The following DAAM2 variants were observed in gnomAD, a reference collection of about 807,000 sequenced individuals.
DAAM2 encodes the protein disheveled-associated activator of morphogenesis 2.
DAAM2 carries 39 observed loss-of-function variants against 120.7 expected under a neutral mutation model. The observed-to-expected ratio is 0.32, with a 90% CI of 0.25 to 0.42. The LOEUF (loss-of-function observed/expected upper bound fraction) is 0.42. Ranked by LOEUF, DAAM2 falls within the 10% of genes least tolerant of loss-of-function variation. The pLI is 1.00. For missense variants in DAAM2, 1,283 were observed against 1,401.7 expected (o/e 0.92, Z 1.35); for synonymous variants, 488 against 524.9 (o/e 0.93, Z 0.96).
chr6:39,876,724 T>TGC (rs1278316668), intron 11 of DAAM2, among the ~76,000 whole-genome samples: 1 of 111,170 alleles, frequency 9.0e-6, no homozygotes, highest in Non-Finnish European at 1.9e-5. Flanking sequence ...TGTGTGTGTG[T>TGC]GTGTGCGTGT....
chr6:39,808,131 G>A (rs746280974), intron 1 of DAAM2, among the ~76,000 whole-genome samples: 53 of 148,972 alleles, frequency 3.6e-4, no homozygotes, highest in Non-Finnish European at 6.2e-4. Context: ...TTGATATACT[G>A]GTGGAGATGC....
intron 5 of DAAM2, among the ~76,000 whole-genome samples, chr6:39,866,809 G>A (rs564625557): frequency 1.3e-5 from 2 of 152,330 alleles, no homozygotes; most frequent in East Asian, 1.9e-4. Flanking sequence ...GAAAATAGCT[G>A]TGATTTCTTG....
intron 10 of DAAM2, 106 bp from the exon 11 acceptor site, chr6:39,875,224 T>C (rs1175711754): frequency 8.0e-7 from 1 of 1,243,116 alleles, no homozygotes; most frequent in Non-Finnish European, 1.1e-6. Context: ...TTACCATAGG[T>C]GGAGAAGGGC....
intron 9 of DAAM2, 81 bp downstream of exon 9, chr6:39,871,653 T>A: frequency 7.5e-7 from 1 of 1,336,472 alleles, no homozygotes; most frequent in Non-Finnish European, 1.0e-6. Context: ...CTAGACCCCG[T>A]GTTGTGGCAG....
intron 1 of DAAM2, among the ~76,000 whole-genome samples, chr6:39,818,202 A>AAAAAC (rs1762370829): frequency 1.3e-5 from 2 of 148,958 alleles, no homozygotes; most frequent in African/African-American, 5.1e-5. Flanking sequence ...AAAAAAAAAA[A>AAAAAC]AAAACTTCAC....
intron 20 of DAAM2, 21 bp from the exon 21 acceptor site, chr6:39,897,154 T>C (rs1208926254): frequency 1.3e-6 from 2 of 1,592,994 alleles, no homozygotes; most frequent in East Asian, 2.2e-5. Flanking sequence ...CACTTACCAC[T>C]GACCTGACTT....
At chr6:39,812,438 G>A (rs1762190451) in intron 1 of DAAM2, among the ~76,000 whole-genome samples, 1 of 152,168 alleles carries the variant, frequency 6.6e-6, no homozygotes, top group Admixed American at 6.5e-5. Flanking sequence ...GCACAGAGGG[G>A]ATTCCAAGTA....
In DAAM2 at chr6:39,856,385, G is replaced by A. The variant is rs200592505; in HGVS notation, c.83G>A (p.Arg28Gln). 25 of 1,552,146 alleles carry A rather than the reference G, an allele frequency of 1.6e-5. No homozygotes were observed. The highest frequency in any genetic ancestry group is 8.5e-5 in the South Asian group (7 of 82,618). ...GGSDIPEINL[R>Q]DNHPLQFMEF... ...AGTGACATCCCCGAAATCAACCTCC[G>A]GGACAACCACCCTCTGCAGTTCATG... Residue 28 changes from arginine to glutamine, a missense_variant, in exon 2 of 25, where the codon CGG (arginine) becomes CAG (glutamine). Around this residue, in one of 3 missense-constraint regions of DAAM2, gnomAD observed 197 missense variants for 189.3 expected, o/e 1.04. Coordinates refer to ENST00000274867, the MANE Select transcript of DAAM2 (RefSeq NM_001201427.2).
In DAAM2 at chr6:39,884,014, G is replaced by C; in HGVS notation, c.1898G>C (p.Arg633Pro). Reference sequence around the variant, plus strand: ...GAGATTGATGACATGCAGGTATTTCGGATCCTGGACCTAGAGGATTTTGAA... The same window carrying C: ...GAGATTGATGACATGCAGGTATTTCCGATCCTGGACCTAGAGGATTTTGAA... ...WNEIDDMQVF[R>P]ILDLEDFEKM... Residue 633 changes from arginine (R) to proline (P), a missense_variant, in exon 15 of 25, where the codon CGG becomes CCG. Coordinates refer to ENST00000274867, the MANE Select transcript of DAAM2 (RefSeq NM_001201427.2). 1.9e-6 allele frequency: 3 copies of C among 1,613,454 alleles called. No individual in the cohort carries two copies. The South Asian group carries it at 3.3e-5, about 18-fold the overall frequency.
chr6:39,875,121 C>T (rs1323642123), intron 10 of DAAM2, among the ~76,000 whole-genome samples: 4 of 152,076 alleles, frequency 2.6e-5, no homozygotes, highest in Non-Finnish European at 4.4e-5. Context: ...TTGACACATC[C>T]GTAGAAGTCT....
At chr6:39,888,898 A>C in intron 17 of DAAM2, 135 bp downstream of exon 17, 1 of 542,858 alleles carries the variant, frequency 1.8e-6, no homozygotes, top group East Asian at 3.0e-5. Context: ...AGGTTTATAG[A>C]AGCCTCCCTG....
intron 1 of DAAM2, among the ~76,000 whole-genome samples, chr6:39,804,838 T>G (rs1761964375): frequency 6.6e-6 from 1 of 152,182 alleles, no homozygotes; most frequent in South Asian, 2.1e-4. Context: ...AAGTCTTATT[T>G]GTTAATGCTT....
intron 10 of DAAM2, among the ~76,000 whole-genome samples, chr6:39,874,954 TC>T (rs1764809971): frequency 6.6e-6 from 1 of 152,222 alleles, no homozygotes; most frequent in East Asian, 1.9e-4. Flanking sequence ...CCTGGAGACT[TC>T]ATTATTCAGC....
chr6:39,813,504 A>C (rs1236287996), intron 1 of DAAM2, among the ~76,000 whole-genome samples: 1 of 152,144 alleles, frequency 6.6e-6, no homozygotes, highest in African/African-American at 2.4e-5. Context: ...GAGTGAGCAG[A>C]GTGTGTGTGG....
chr6:39,858,380 T>C (rs1010646757), intron 2 of DAAM2, among the ~76,000 whole-genome samples: 7 of 151,998 alleles, frequency 4.6e-5, no homozygotes, highest in African/African-American at 1.7e-4. Context: ...GTATTAGCAG[T>C]GAGGATGGAG....
chr6:39,805,623 C>T (rs1051590578), intron 1 of DAAM2, among the ~76,000 whole-genome samples: 3 of 151,128 alleles, frequency 2.0e-5, no homozygotes, highest in African/African-American at 2.4e-5. Context: ...GACACGATCT[C>T]GGGTCACTGC....
chr6:39,818,420 T>G (rs78358718), intron 1 of DAAM2, among the ~76,000 whole-genome samples: 87 of 152,260 alleles, frequency 5.7e-4, no homozygotes, highest in African/African-American at 2.0e-3. Context: ...AGAACAACTA[T>G]AAATTATTTT....
chr6:39,858,704 A>G (rs748376864), intron 2 of DAAM2, among the ~76,000 whole-genome samples: 5 of 152,202 alleles, frequency 3.3e-5, no homozygotes, highest in African/African-American at 1.2e-4. Flanking sequence ...CTACATAAGT[A>G]CATCATAGTA....
intron 2 of DAAM2, among the ~76,000 whole-genome samples, chr6:39,857,844 G>C (rs148169156): frequency 2.0e-5 from 3 of 152,216 alleles, no homozygotes; most frequent in Non-Finnish European, 4.4e-5. Context: ...TAGGGATGTA[G>C]AGATGAGCCA....
Sources: gnomAD v4.1 joint callset for allele counts (sites outside exome capture counted in the v4.1 genomes callset) on GRCh38, gnomAD v4.1.1 for gene constraint, gnomAD v4.1.1 regional missense constraint, MANE v1.5 for transcripts, NCBI Gene and HGNC (gene_info 2026-07-23, HGNC 2026-07-21) for gene names.